Variants in FER observed in about 807,000 individuals in gnomAD.
FER encodes the protein FER tyrosine kinase.
In FER, 63 loss-of-function variants were observed where a neutral mutation model predicts 111.0. The ratio of observed to expected loss-of-function variants is 0.57; its 90% CI spans 0.46 to 0.70. The LOEUF is 0.70. FER is among the 30% of genes least tolerant of loss of function. The pLI is 0.00. For synonymous variants in FER, 327 were observed against 313.9 expected, an observed-to-expected ratio of 1.04 and a Z score of -0.44; for missense variants, 914 against 954.0, an observed-to-expected ratio of 0.96 and a Z score of 0.55.
intron 13 of FER, among the ~76,000 whole-genome samples, chr5:108,987,972 C>G (rs1407492356): frequency 6.6e-6 from 1 of 152,142 alleles, no homozygotes. Context: ...TATCCCTTCT[C>G]TGCCAGTATT....
intron 2 of FER, among the ~76,000 whole-genome samples, chr5:108,769,978 C>G (rs1485561917): frequency 1.3e-5 from 2 of 151,994 alleles, no homozygotes; most frequent in Admixed American, 6.6e-5. Context: ...GACGGAGCTT[C>G]ACTCTTGTTG....
rs567797004 is a variant in FER, at chr5:109,056,569, C to T, written c.1924+9371C>T. Among the ~76,000 whole-genome samples the T allele has an allele frequency of 1.3e-4, 20 of 152,018 alleles. No individual in the cohort carries two copies. The East Asian group carries it at 2.3e-3, about 18-fold the overall frequency. On this transcript the variant is annotated intron_variant, in intron 16 of 19. Coordinates refer to ENST00000281092, the MANE Select transcript of FER (RefSeq NM_005246.4). ...GGGTCACTAGGGCAGAGGGCAGGAA[C>T]AGAGGAAATGGGAAGATGTAGGTCA...
intron 16 of FER, among the ~76,000 whole-genome samples, chr5:109,064,953 T>C (rs3797833): frequency 0.17 from 25,126 of 152,152 alleles, 2,153 homozygotes; most frequent in South Asian, 0.21. Flanking sequence ...TGAACAAAGT[T>C]TAATGTAATA....
At chr5:108,992,984 G>T (rs920744223) in intron 13 of FER, among the ~76,000 whole-genome samples, 1 of 150,270 alleles carries the variant, frequency 6.7e-6, no homozygotes, top group Non-Finnish European at 1.5e-5. Context: ...ATGGGATGGC[G>T]GCCGGGAAGA....
chr5:109,080,721 A>G (rs1172318954), intron 16 of FER, among the ~76,000 whole-genome samples: 10 of 152,152 alleles, frequency 6.6e-5, no homozygotes, highest in Non-Finnish European at 2.9e-5. Context: ...AAGGAAAAAG[A>G]TTGTACATTG....
intron 5 of FER, among the ~76,000 whole-genome samples, chr5:108,862,715 T>C (rs1369410136): frequency 2.0e-5 from 3 of 152,238 alleles, no homozygotes; most frequent in African/African-American, 7.2e-5. Flanking sequence ...CTGTGGAAAG[T>C]GTCTTTATTA....
intron 3 of FER, among the ~76,000 whole-genome samples, chr5:108,814,912 G>A (rs1015937615): frequency 2.6e-5 from 4 of 152,138 alleles, no homozygotes; most frequent in African/African-American, 9.7e-5. Flanking sequence ...GAAATAGTAG[G>A]AGATGGAGAC....
chr5:109,128,431 A>C (rs1368801412), intron 17 of FER, among the ~76,000 whole-genome samples: 11 of 152,176 alleles, frequency 7.2e-5, no homozygotes, highest in Admixed American at 7.2e-4. Flanking sequence ...CACTTTTACT[A>C]TCAATATGTG....
chr5:109,105,790 A>G (rs1393970634), intron 17 of FER, among the ~76,000 whole-genome samples: 1 of 152,226 alleles, frequency 6.6e-6, no homozygotes, highest in Non-Finnish European at 1.5e-5. Context: ...TGAGTACTAG[A>G]CACAGTTCTT....
At chr5:108,890,700 G>A (rs1462353673) in intron 9 of FER, among the ~76,000 whole-genome samples, 5 of 152,022 alleles carry the variant, frequency 3.3e-5, no homozygotes, top group Non-Finnish European at 7.4e-5. Flanking sequence ...GTCACATTCT[G>A]AGATTTCAGG....
At chr5:109,046,363 G>A (rs1340866535) in intron 15 of FER, among the ~76,000 whole-genome samples, 1 of 151,760 alleles carries the variant, frequency 6.6e-6, no homozygotes, top group Non-Finnish European at 1.5e-5. Context: ...ATATATATAT[G>A]CGCTACCCTA....
At chr5:108,802,500 C>G (rs1163562063) in intron 3 of FER, among the ~76,000 whole-genome samples, 2 of 151,884 alleles carry the variant, frequency 1.3e-5, no homozygotes, top group African/African-American at 4.8e-5. Flanking sequence ...CAGCCTTTCC[C>G]CCCGTCCTTC....
intron 16 of FER, among the ~76,000 whole-genome samples, chr5:109,056,796 C>A (rs1042711076): frequency 1.3e-5 from 2 of 152,078 alleles, no homozygotes; most frequent in Non-Finnish European, 2.9e-5. Flanking sequence ...ATTCTTTTTA[C>A]CATCAATATG....
chr5:109,173,187 C>T (rs1757320544), intron 17 of FER, among the ~76,000 whole-genome samples: 1 of 152,228 alleles, frequency 6.6e-6, no homozygotes, highest in South Asian at 2.1e-4. Flanking sequence ...GCAAGCACTT[C>T]TCTGTGCTGA....
At chr5:108,983,739 G>C (rs572988894) in intron 13 of FER, among the ~76,000 whole-genome samples, 34 of 152,248 alleles carry the variant, frequency 2.2e-4, no homozygotes, top group Non-Finnish European at 4.3e-4. Context: ...AGAGGAGCAA[G>C]AGACATATGG....
chr5:108,808,474 T>G (rs923776089), intron 3 of FER, among the ~76,000 whole-genome samples: 5 of 146,344 alleles, frequency 3.4e-5, no homozygotes, highest in Admixed American at 3.4e-4. Context: ...CTTTACTCTG[T>G]GCCTGTGGGT....
Position 108,792,349 on chromosome 5 carries a change from T to C in FER, c.-59-5775T>C, listed in dbSNP as rs115020111. On this transcript the variant is annotated intron_variant, in intron 2 of 19. Transcript: ENST00000281092. ...TTACTTAGTTCTTTTAAAATTACTT[T>C]CTTTTTTGAGACGGAGTTTTGCTCT... is the stretch of plus-strand genomic sequence containing the variant. 9.5e-3 allele frequency among the ~76,000 whole-genome samples: 1,442 copies of C among 152,330 alleles called. 15 individuals are homozygous for C. Among genetic ancestry groups the C allele is most frequent in the Non-Finnish European group, 0.013 (889 of 68,022 alleles).
chr5:108,782,474 G>A (rs145996763), intron 2 of FER, among the ~76,000 whole-genome samples: 2 of 152,000 alleles, frequency 1.3e-5, no homozygotes, highest in African/African-American at 4.8e-5. Flanking sequence ...TTTTGATGAG[G>A]TCCATTTTAT....
At chr5:109,150,046 C>T (rs935974272) in intron 17 of FER, among the ~76,000 whole-genome samples, 1 of 152,110 alleles carries the variant, frequency 6.6e-6, no homozygotes, top group Non-Finnish European at 1.5e-5. Flanking sequence ...GCCTGATGGT[C>T]TGAGGTGGAA....
Sources: allele counts gnomAD v4.1 joint callset (sites outside exome capture counted in the v4.1 genomes callset), GRCh38; gene constraint gnomAD v4.1.1; transcripts MANE v1.5; gene names NCBI Gene and HGNC (gene_info 2026-07-23, HGNC 2026-07-21).